The following ALDH7A1 variants were observed in gnomAD, a reference collection of about 807,000 sequenced individuals.
The protein encoded by ALDH7A1 is alpha-aminoadipic semialdehyde dehydrogenase.
A neutral mutation model predicts 79.9 loss-of-function variants in ALDH7A1; 63 were observed. The ratio of observed to expected loss-of-function variants is 0.79; its 90% CI spans 0.64 to 0.97. The LOEUF is 0.97. Among genes scored for constraint, ALDH7A1 ranks in the 50% least tolerant of loss-of-function variants. The pLI, the probability that ALDH7A1 is intolerant of heterozygous loss-of-function variation, is 0.00. For missense variants in ALDH7A1, 627 were observed against 665.2 expected, an observed-to-expected ratio of 0.94 and a Z score of 0.63; for synonymous variants, 240 against 231.2, an observed-to-expected ratio of 1.04 and a Z score of -0.34.
At chr5:126,577,377 G>C (rs1751013380) in intron 5 of ALDH7A1, among the ~76,000 whole-genome samples, 166 bp from the exon 6 acceptor site, 1 of 152,132 alleles carries the variant, frequency 6.6e-6, no homozygotes, top group South Asian at 2.1e-4. Context: ...TACAACAAAA[G>C]TGGTTATTAC....
At chr5:126,549,598 T>C in intron 16 of ALDH7A1, 1 of 278,574 alleles carries the variant, frequency 3.6e-6, no homozygotes, top group Non-Finnish European at 6.8e-6. Context: ...GAATATTTCA[T>C]ATAAAATTTT....
chr5:126,578,911 C>T (rs1425205672), intron 5 of ALDH7A1, among the ~76,000 whole-genome samples: 1 of 152,058 alleles, frequency 6.6e-6, no homozygotes, highest in East Asian at 1.9e-4. Flanking sequence ...CCATACCAGA[C>T]ACAGCACCTC....
chr5:126,564,290 G>A lies in ALDH7A1; in HGVS notation c.872-3166C>T, dbSNP rs528332502. ...CTTGCCTCAGCCTCCCAAGTAGCTG[G>A]GCATGCCGCCACACCTAGCTAATTT... On this transcript the variant is annotated intron_variant, in intron 9 of 17. Transcript: ENST00000409134. 2.4e-5 allele frequency: 6 copies of A among 254,084 alleles called. No homozygotes were observed. The East Asian group carries it at 2.8e-4, about 12-fold the overall frequency. 15.7% of individuals were successfully genotyped at this position (254,084 alleles called of 1,614,324 possible). A position where few individuals can be genotyped will look rare whatever the true frequency, so the allele number is the denominator to read the frequency against.
At chr5:126,559,501 T>A (rs954065486) in intron 10 of ALDH7A1, 167 bp from the exon 11 acceptor site, 2 of 570,266 alleles carry the variant, frequency 3.5e-6, no homozygotes, top group African/African-American at 1.9e-5. Context: ...AATGGCACGA[T>A]CTCGGCTCAC....
Position 126,556,239 on chromosome 5 carries a change from C to CTTTTT in ALDH7A1, c.1009-229_1009-225dup, listed in dbSNP as rs35367836. 6.9e-3 allele frequency among the ~76,000 whole-genome samples: 671 copies of CTTTTT among 97,934 alleles called. 32 individuals carry two copies. The highest frequency in any genetic ancestry group is 0.011 in the African/African-American group (285 of 26,226). The allele number at this position is 97,934 out of a possible 152,430, so 64.2% of individuals were successfully genotyped here. On this transcript the variant is annotated intron_variant, in intron 11 of 17. Coordinates refer to ENST00000409134, the MANE Select transcript of ALDH7A1 (RefSeq NM_001182.5). ...AATAGAATAAAATCATAAGCCATGT[C>CTTTTT]TTTTTTTTTTTTTTTTTTTTTGAGA...
At chr5:126,560,630 AT>A (rs139353384) in intron 10 of ALDH7A1, among the ~76,000 whole-genome samples, 2 of 152,020 alleles carry the variant, frequency 1.3e-5, no homozygotes, top group South Asian at 4.1e-4. Flanking sequence ...TAGGTAAGTG[AT>A]TTTTTTAATG....
intron 9 of ALDH7A1, among the ~76,000 whole-genome samples, chr5:126,565,029 G>C (rs2035472): frequency 0.63 from 96,199 of 152,018 alleles, 30,813 homozygotes; most frequent in East Asian, 0.87. Context: ...GGGGAGAAAG[G>C]TGAGAAGATG....
chr5:126,563,140 T>C (rs1349875194), intron 9 of ALDH7A1, among the ~76,000 whole-genome samples: 1 of 152,198 alleles, frequency 6.6e-6, no homozygotes, highest in African/African-American at 2.4e-5. Context: ...TTGTGTGGAC[T>C]TTCCCCCACA....
chr5:126,551,804 G>A lies in ALDH7A1; in HGVS notation c.1317+217C>T, dbSNP rs4379190. Among the ~76,000 whole-genome samples, 113,852 of 151,986 alleles carry A rather than the reference G, an allele frequency of 0.75. 43,001 individuals are homozygous for A. Among genetic ancestry groups the A allele is most frequent in the African/African-American group, 0.81 (33,677 of 41,454 alleles). ...CACACACTTCATAAACTCCAACACT[G>A]GTCCACTACCCAATCTGGTTTCCCT... On this transcript the variant is annotated intron_variant, in intron 14 of 17. Coordinates refer to ENST00000409134, the MANE Select transcript of ALDH7A1 (RefSeq NM_001182.5).
intron 10 of ALDH7A1, among the ~76,000 whole-genome samples, chr5:126,559,599 A>G (rs754614233): frequency 6.6e-6 from 1 of 151,780 alleles, no homozygotes; most frequent in Non-Finnish European, 1.5e-5. Context: ...CGCTTGGCTA[A>G]TTTTTGTCTT....
At chr5:126,572,092 T>C (rs17154666) in intron 7 of ALDH7A1, among the ~76,000 whole-genome samples, 3,465 of 152,350 alleles carry the variant, frequency 0.023, 133 homozygotes, top group African/African-American at 0.07. Flanking sequence ...TCCATTCATT[T>C]TGAGTTTCCA....
intron 16 of ALDH7A1, among the ~76,000 whole-genome samples, chr5:126,548,582 A>G (rs1749878362): frequency 6.6e-6 from 1 of 151,728 alleles, no homozygotes; most frequent in Non-Finnish European, 1.5e-5. Flanking sequence ...ACACACCATC[A>G]TGCCTAGCTA....
chr5:126,552,075 C>T lies in ALDH7A1; in HGVS notation c.1263G>A (p.Ala421=), dbSNP rs587780850. 443 of 1,613,990 alleles carry T rather than the reference C, an allele frequency of 2.7e-4. 1 individual carries two copies. Among genetic ancestry groups the T allele is most frequent in the Admixed American group, 1.6e-3 (95 of 60,008 alleles). The change falls in exon 14 of 18, where the codon GCG becomes GCA. Residue 421 remains alanine, a synonymous_variant. Coordinates refer to ENST00000409134, the MANE Select transcript of ALDH7A1 (RefSeq NM_001182.5). The stretch of plus-strand genomic sequence containing the variant: ...CAAAAGTCTCTGTGTGTGCAATGGA[C>T]GCATCGTGGCCAAGACCTGTCACAA... The part of the protein sequence containing the change: ...PTIVTGLGHD[A]SIAHTETFAP...
chr5:126,567,630 C>A (rs1002337733), intron 9 of ALDH7A1, among the ~76,000 whole-genome samples: 1 of 151,222 alleles, frequency 6.6e-6, no homozygotes, highest in South Asian at 2.1e-4. Context: ...CATGCCACCA[C>A]GCCCGGCTAC....
chr5:126,594,944 T>G, intron 1 of ALDH7A1, 63 bp downstream of exon 1: 1 of 1,548,220 alleles, frequency 6.5e-7, no homozygotes, highest in Admixed American at 2.0e-5. Context: ...GGTAGGTCAG[T>G]GCCCGCCCGG....
chr5:126,552,549 T>C (rs1252075254), intron 13 of ALDH7A1, among the ~76,000 whole-genome samples: 2 of 151,672 alleles, frequency 1.3e-5, no homozygotes, highest in Non-Finnish European at 1.5e-5. Flanking sequence ...TGCACCACCA[T>C]GCCCAGCTAA....
At chr5:126,559,481 G>A in intron 10 of ALDH7A1, 147 bp from the exon 11 acceptor site, 4 of 611,788 alleles carry the variant, frequency 6.5e-6, no homozygotes, top group Non-Finnish European at 8.7e-6. Flanking sequence ...TGTCACCCAG[G>A]ATGGAGTGCA....
In ALDH7A1 at chr5:126,546,310, A is replaced by G; in HGVS notation, c.1565+14T>C. 2 of 1,613,786 alleles carry G rather than the reference A, an allele frequency of 1.2e-6. No individual in the cohort carries two copies. Among genetic ancestry groups the G allele is most frequent in the Non-Finnish European group, 1.7e-6 (2 of 1,179,672 alleles). On this transcript the variant is annotated intron_variant, in intron 17 of 17. Transcript: ENST00000409134. Reference sequence around the variant, plus strand: ...TTTTAAGCCCAAACCTATCTTCCCAAAGCCTTTTCTTACCAAGTAGACCTT... The same window carrying G: ...TTTTAAGCCCAAACCTATCTTCCCAGAGCCTTTTCTTACCAAGTAGACCTT...
intron 11 of ALDH7A1, among the ~76,000 whole-genome samples, chr5:126,558,319 C>A (rs1468180554): frequency 6.6e-6 from 1 of 151,908 alleles, no homozygotes; most frequent in African/African-American, 2.4e-5. Context: ...AGAGATTCAA[C>A]TTCCCAAATC....
Sources: gnomAD v4.1 joint callset for allele counts (sites outside exome capture counted in the v4.1 genomes callset) on GRCh38, gnomAD v4.1.1 for gene constraint, MANE v1.5 for transcripts, NCBI Gene and HGNC (gene_info 2026-07-23, HGNC 2026-07-21) for gene names.